SMC4: variants seen among roughly 807,000 people sequenced by gnomAD.
SMC4 encodes structural maintenance of chromosomes protein 4.
A neutral mutation model predicts 145.6 loss-of-function variants in SMC4; 87 were observed. The observed-to-expected ratio is 0.60, with a 90% CI of 0.50 to 0.71. The LOEUF (loss-of-function observed/expected upper bound fraction) is 0.71, where lower values mean the gene tolerates loss of function less well. Among genes scored for constraint, SMC4 ranks in the 30% least tolerant of loss-of-function variants. The pLI, the probability that SMC4 is intolerant of heterozygous loss-of-function variation, is 0.00. For synonymous variants in SMC4, 558 were observed against 500.7 expected (o/e 1.11, Z -1.53); for missense variants, 1,447 against 1,537.1 (o/e 0.94, Z 0.98).
intron 10 of SMC4, 147 bp downstream of exon 10, chr3:160,416,562 G>A (rs907106739): frequency 4.4e-6 from 2 of 458,632 alleles, no homozygotes; most frequent in African/African-American, 2.0e-5. Context: ...CCTAGACTTA[G>A]ATGACTATTC....
chr3:160,431,009 T>C (rs774179684), intron 19 of SMC4, 23 bp from the exon 20 acceptor site: 80 of 1,583,074 alleles, frequency 5.1e-5, no homozygotes, highest in Non-Finnish European at 6.5e-5. Context: ...AAATTCTATC[T>C]AGCAGTTCTT....
Position 160,412,435 on chromosome 3 carries a change from A to G in SMC4, c.962A>G (p.His321Arg). 6.2e-7 allele frequency: 1 copy of G among 1,603,214 alleles called. No homozygotes were observed. Among genetic ancestry groups the G allele is most frequent in the South Asian group, 1.1e-5 (1 of 90,012 alleles). ...LENEIFRKKN[H>R]VCQYYIYELQ... ...AATGAAATATTTAGAAAAAAGAATC[A>G]TGTTTGTCAATATTATATGTAAGTG... Residue 321 changes from histidine (H) to arginine (R), a missense_variant, in exon 7 of 24, where the codon CAT (histidine) becomes CGT (arginine). Coordinates refer to ENST00000357388, the MANE Select transcript of SMC4 (RefSeq NM_001002800.3).
At chr3:160,405,918 T>C (rs1048775778) in intron 5 of SMC4, among the ~76,000 whole-genome samples, 7 of 151,458 alleles carry the variant, frequency 4.6e-5, no homozygotes, top group Non-Finnish European at 1.0e-4. Context: ...TGTTTATCTT[T>C]TGCTTAATCT....
intron 5 of SMC4, among the ~76,000 whole-genome samples, chr3:160,407,083 CCATT>C (rs1715420482): frequency 6.6e-6 from 1 of 152,070 alleles, no homozygotes; most frequent in Admixed American, 6.5e-5. Flanking sequence ...TGCTTTTGCT[CCATT>C]CAGGGGTAGA....
At chr3:160,430,526 T>TA (rs1345066992) in intron 18 of SMC4, 73 bp from the exon 19 acceptor site, 41 of 1,270,970 alleles carry the variant, frequency 3.2e-5, no homozygotes, top group Non-Finnish European at 4.1e-5. Context: ...TCATGAAAAG[T>TA]TCTTTAGTAG....
intron 21 of SMC4, 47 bp downstream of exon 21, chr3:160,431,872 C>T: frequency 6.5e-7 from 1 of 1,531,536 alleles, no homozygotes; most frequent in Non-Finnish European, 8.9e-7. Context: ...CTTTTTAGTC[C>T]TTAGCCTAAA....
At chr3:160,412,574 T>C (rs901810206) in intron 7 of SMC4, 121 bp downstream of exon 7, 36 of 1,366,788 alleles carry the variant, frequency 2.6e-5, no homozygotes, top group African/African-American at 1.3e-4. Context: ...AAATATTGTT[T>C]TGTGTGACTG....
At position 160,434,436 on chromosome 3, in the gene SMC4, A is replaced by G. The variant is rs1718767322; in HGVS notation, c.*627A>G. 2 of 152,164 alleles carry G rather than the reference A, an allele frequency of 1.3e-5. No homozygotes were observed. Among genetic ancestry groups the G allele is most frequent in the African/African-American group, 4.8e-5 (2 of 41,426 alleles). 9.4% of individuals were successfully genotyped at this position (152,164 alleles called of 1,614,324 possible). ...AAAAATATCCCACTATAGTTGCTTC[A>G]TGAGTATGAAGTAAGATGGCCTCTG... On this transcript the variant is annotated 3_prime_UTR_variant, in exon 24 of 24. Coordinates refer to ENST00000357388, the MANE Select transcript of SMC4 (RefSeq NM_001002800.3).
intron 20 of SMC4, among the ~76,000 whole-genome samples, 166 bp from the exon 21 acceptor site, chr3:160,431,477 T>C (rs990961028): frequency 2.6e-5 from 4 of 152,232 alleles, no homozygotes; most frequent in Non-Finnish European, 4.4e-5. Context: ...ATGGACACTT[T>C]TGAGTGTTAC....
chr3:160,407,522 C>T (rs1223253667), intron 5 of SMC4, among the ~76,000 whole-genome samples: 2 of 151,838 alleles, frequency 1.3e-5, no homozygotes, highest in African/African-American at 4.8e-5. Context: ...CACTGCACTC[C>T]AGCCTGGGTG....
intron 2 of SMC4, 37 bp from the exon 3 acceptor site, chr3:160,401,878 C>T (rs1392204190): frequency 1.3e-6 from 2 of 1,536,268 alleles, no homozygotes; most frequent in African/African-American, 1.4e-5. Context: ...TTTCCCCCGC[C>T]GTTTGCCTTC....
At chr3:160,410,501 A>C (rs1715864772) in intron 5 of SMC4, among the ~76,000 whole-genome samples, 1 of 152,276 alleles carries the variant, frequency 6.6e-6, no homozygotes, top group African/African-American at 2.4e-5. Flanking sequence ...AGTTGAAAGC[A>C]GAATAAAATA....
At chr3:160,404,004 G>A (rs1472793332) in intron 4 of SMC4, 2 of 238,024 alleles carry the variant, frequency 8.4e-6, no homozygotes, top group African/African-American at 4.7e-5. Context: ...AATTTGTGTG[G>A]GTTTTGGATA....
chr3:160,413,656 T>A (rs954153251), intron 8 of SMC4, 43 bp downstream of exon 8: 1 of 1,060,156 alleles, frequency 9.4e-7, no homozygotes, highest in Non-Finnish European at 1.3e-6. Context: ...TAGATAATTG[T>A]ATTACATGTG....
chr3:160,411,685 A>G, intron 5 of SMC4: 1 of 348,222 alleles, frequency 2.9e-6, no homozygotes, highest in Non-Finnish European at 5.3e-6. Context: ...ATAAGGATTT[A>G]TCTAAGGGAA....
At position 160,434,327 on chromosome 3, in the gene SMC4, A is replaced by C. The variant is rs1340982521; in HGVS notation, c.*518A>C. ...TAAATATATGCTTTTCTAGAATTTG[A>C]TGTTTGACCATTTATGACTTAATTA... On this transcript the variant is annotated 3_prime_UTR_variant, in exon 24 of 24. Coordinates refer to ENST00000357388, the MANE Select transcript of SMC4 (RefSeq NM_001002800.3). 2 of 152,278 alleles carry C rather than the reference A, an allele frequency of 1.3e-5. No homozygotes were observed. Among genetic ancestry groups the C allele is most frequent in the Non-Finnish European group, 2.9e-5 (2 of 68,118 alleles). 9.4% of individuals were successfully genotyped at this position (152,278 alleles called of 1,614,324 possible). A position where few individuals can be genotyped will look rare whatever the true frequency, so the allele number is the denominator to read the frequency against.
chr3:160,421,180 C>T (rs910054418), intron 13 of SMC4, among the ~76,000 whole-genome samples: 8 of 152,034 alleles, frequency 5.3e-5, no homozygotes, highest in Non-Finnish European at 8.8e-5. Flanking sequence ...CCGCCCACCT[C>T]GGCCTCCCAG....
chr3:160,426,142 A>G lies in SMC4; in HGVS notation c.2547A>G (p.Thr849=), dbSNP rs1455216126. Residue 849 remains threonine, a synonymous_variant, in exon 17 of 24, where the codon ACA becomes ACG. Coordinates refer to ENST00000357388, the MANE Select transcript of SMC4 (RefSeq NM_001002800.3). ...AACTTGAAGCTAATGTACTTGCTAC[A>G]GCCCCTGACAAAAAAAAGCAGAAAT... is the stretch of plus-strand genomic sequence containing the variant. ...VKELEANVLA[T]APDKKKQKLL... The G allele has an allele frequency of 6.2e-7, 1 of 1,609,798 alleles. No individual in the cohort carries two copies. The highest frequency in any genetic ancestry group is 8.5e-7 in the Non-Finnish European group (1 of 1,177,190).
Position 160,402,864 on chromosome 3 carries a change from T to A in SMC4, c.507T>A (p.Asp169Glu). The A allele has an allele frequency of 1.3e-6, 2 of 1,564,164 alleles. No homozygotes were observed. Among genetic ancestry groups the A allele is most frequent in the Non-Finnish European group, 1.7e-6 (2 of 1,161,970 alleles). ...AAGTTCATTTTCAAAAGATAATTGA[T>A]AAGGTAAGGGATTTTTACTGTTATT... ...TVEVHFQKII[D>E]KEGDDYEVIP... The change falls in exon 4 of 24, where the codon GAT becomes GAA. Residue 169 changes from aspartate to glutamate, a missense_variant. Transcript: ENST00000357388.
Sources: gnomAD v4.1 joint callset for allele counts (sites outside exome capture counted in the v4.1 genomes callset) on GRCh38, gnomAD v4.1.1 for gene constraint, MANE v1.5 for transcripts, NCBI Gene and HGNC (gene_info 2026-07-23, HGNC 2026-07-21) for gene names.